The following NAALADL2 variants were observed in gnomAD, a reference collection of about 807,000 sequenced individuals.
NAALADL2 encodes inactive N-acetylated-alpha-linked acidic dipeptidase-like protein 2.
In NAALADL2, 76 loss-of-function variants were observed where a neutral mutation model predicts 87.2. The ratio of observed to expected loss-of-function variants is 0.87; its 90% CI spans 0.72 to 1.05. The LOEUF (loss-of-function observed/expected upper bound fraction) is 1.05, where lower values mean the gene tolerates loss of function less well. NAALADL2 is among the 50% of genes least tolerant of loss of function. The pLI, the probability that NAALADL2 is intolerant of heterozygous loss-of-function variation, is 0.00. For missense variants in NAALADL2, 1,089 were observed against 945.8 expected, an observed-to-expected ratio of 1.15 and a Z score of -1.99; for synonymous variants, 354 against 331.0, an observed-to-expected ratio of 1.07 and a Z score of -0.75.
At chr3:175,142,415 C>T (rs560146339) in intron 2 of NAALADL2, among the ~76,000 whole-genome samples, 3 of 151,930 alleles carry the variant, frequency 2.0e-5, no homozygotes, top group African/African-American at 7.2e-5. Flanking sequence ...ATGTATGTTA[C>T]TATATATATT....
chr3:174,535,683 T>C (rs928552091), intron 1 of NAALADL2, among the ~76,000 whole-genome samples: 7 of 152,092 alleles, frequency 4.6e-5, no homozygotes, highest in African/African-American at 9.7e-5. Context: ...GTGTCTCTTA[T>C]TAGTTCATTT....
intron 2 of NAALADL2, among the ~76,000 whole-genome samples, chr3:174,583,544 T>G (rs1201593123): frequency 6.6e-6 from 1 of 152,190 alleles, no homozygotes; most frequent in Non-Finnish European, 1.5e-5. Context: ...AAGTGTTTTA[T>G]TACAGCAAAC....
At chr3:175,177,001 G>A (rs898605882) in intron 2 of NAALADL2, among the ~76,000 whole-genome samples, 10 of 152,152 alleles carry the variant, frequency 6.6e-5, no homozygotes, top group African/African-American at 1.4e-4. Flanking sequence ...AGAATAAACC[G>A]TAGACTGTGT....
At chr3:174,997,855 A>C (rs1166518311) in intron 1 of NAALADL2, among the ~76,000 whole-genome samples, 1 of 151,998 alleles carries the variant, frequency 6.6e-6, no homozygotes, top group Non-Finnish European at 1.5e-5. Context: ...CAACAACAAC[A>C]ACAACAACAA....
chr3:174,608,668 T>G (rs1345672086), intron 2 of NAALADL2, among the ~76,000 whole-genome samples: 1 of 151,966 alleles, frequency 6.6e-6, no homozygotes, highest in Non-Finnish European at 1.5e-5. Flanking sequence ...GTGGCAATAA[T>G]CAATAGCTTA....
At chr3:175,351,218 T>A (rs1359421405) in intron 5 of NAALADL2, among the ~76,000 whole-genome samples, 1 of 152,118 alleles carries the variant, frequency 6.6e-6, no homozygotes, top group Non-Finnish European at 1.5e-5. Context: ...AATAATGTTA[T>A]CTATGATATA....
At chr3:175,390,479 A>G (rs1427135201) in intron 5 of NAALADL2, among the ~76,000 whole-genome samples, 1 of 152,204 alleles carries the variant, frequency 6.6e-6, no homozygotes, top group African/African-American at 2.4e-5. Context: ...AAGAAATGAA[A>G]ACACTAGGAT....
intron 11 of NAALADL2, among the ~76,000 whole-genome samples, chr3:175,664,873 A>T (rs2149821317): frequency 6.6e-6 from 1 of 152,236 alleles, no homozygotes; most frequent in African/African-American, 2.4e-5. Context: ...CAAAGGTTTT[A>T]CCTTATCATA....
intron 1 of NAALADL2, among the ~76,000 whole-genome samples, chr3:175,051,405 T>C (rs1200781218): frequency 2.0e-5 from 3 of 152,132 alleles, no homozygotes; most frequent in African/African-American, 7.2e-5. Flanking sequence ...CTGGACAGGC[T>C]GCATTTCTCT....
At chr3:174,697,469 C>T (rs1027213507) in intron 2 of NAALADL2, among the ~76,000 whole-genome samples, 6 of 152,042 alleles carry the variant, frequency 3.9e-5, no homozygotes, top group Non-Finnish European at 8.8e-5. Context: ...AGTTCAGCTT[C>T]CTGAAAGGTT....
chr3:175,372,082 C>T (rs773153579), intron 5 of NAALADL2, among the ~76,000 whole-genome samples: 1 of 152,122 alleles, frequency 6.6e-6, no homozygotes, highest in Non-Finnish European at 1.5e-5. Context: ...AGGAATAACC[C>T]TTAGGAGTTC....
chr3:174,790,260 T>C (rs990643719), intron 3 of NAALADL2, among the ~76,000 whole-genome samples: 2 of 152,152 alleles, frequency 1.3e-5, no homozygotes, highest in Non-Finnish European at 2.9e-5. Flanking sequence ...ACTAAAAAAT[T>C]GATAATTCCA....
intron 2 of NAALADL2, among the ~76,000 whole-genome samples, chr3:174,601,108 C>T (rs1718414161): frequency 6.6e-6 from 1 of 152,100 alleles, no homozygotes; most frequent in African/African-American, 2.4e-5. Flanking sequence ...CATAGAAGTA[C>T]AGATATCTCT....
chr3:174,894,590 G>C (rs917361132), intron 1 of NAALADL2, among the ~76,000 whole-genome samples: 1 of 38,332 alleles, frequency 2.6e-5, no homozygotes, highest in Non-Finnish European at 4.9e-5. Context: ...GTGAAACTCC[G>C]TCTCAAAAAA....
At chr3:175,582,357 G>C (rs1367793434) in intron 10 of NAALADL2, among the ~76,000 whole-genome samples, 2 of 152,126 alleles carry the variant, frequency 1.3e-5, no homozygotes, top group East Asian at 3.9e-4. Flanking sequence ...TCCTTGCTTA[G>C]AAATCTAAAT....
At chr3:175,346,285 C>G (rs1006843329) in intron 5 of NAALADL2, among the ~76,000 whole-genome samples, 2 of 152,024 alleles carry the variant, frequency 1.3e-5, no homozygotes, top group African/African-American at 4.8e-5. Flanking sequence ...TTTTTATACA[C>G]ACATGCATAC....
intron 5 of NAALADL2, among the ~76,000 whole-genome samples, chr3:175,415,496 A>C (rs1714461495): frequency 6.6e-6 from 1 of 152,160 alleles, no homozygotes; most frequent in Admixed American, 6.5e-5. Flanking sequence ...GTTAACCATA[A>C]TTTATGTAGA....
At chr3:175,693,894 C>T (rs947408272) in intron 11 of NAALADL2, among the ~76,000 whole-genome samples, 1 of 152,032 alleles carries the variant, frequency 6.6e-6, no homozygotes, top group African/African-American at 2.4e-5. Flanking sequence ...GTCGTTTCAC[C>T]GTGTTGGCCA....
chr3:174,999,901 C>T (rs1212343091), intron 1 of NAALADL2, among the ~76,000 whole-genome samples: 2 of 152,080 alleles, frequency 1.3e-5, no homozygotes, highest in Admixed American at 1.3e-4. Flanking sequence ...TACTTTCTTA[C>T]TCCAAATGGA....
Sources: gnomAD v4.1 joint callset for allele counts (sites outside exome capture counted in the v4.1 genomes callset) on GRCh38, gnomAD v4.1.1 for gene constraint, MANE v1.5 for transcripts, NCBI Gene and HGNC (gene_info 2026-07-23, HGNC 2026-07-21) for gene names.